Variants in IQANK1 observed in about 807,000 individuals in gnomAD.
IQANK1 encodes IQ motif and ankyrin repeat containing 1.
A neutral mutation model predicts 22.6 loss-of-function variants in IQANK1; 30 were observed. The ratio of observed to expected loss-of-function variants is 1.33; its 90% CI spans 0.99 to 1.80. The LOEUF is 1.80. Ranked by LOEUF, IQANK1 falls within the 40% of genes most tolerant of loss-of-function variation. The pLI is 0.00. For synonymous variants in IQANK1, 122 were observed against 99.6 expected, an observed-to-expected ratio of 1.23 and a Z score of -1.34; for missense variants, 275 against 235.2, an observed-to-expected ratio of 1.17 and a Z score of -1.11.
chr8:143,769,102 G>T (rs1450372939), intron 3 of IQANK1, among the ~76,000 whole-genome samples: 1 of 152,072 alleles, frequency 6.6e-6, no homozygotes, highest in African/African-American at 2.4e-5. Context: ...TCGCTCTGTT[G>T]TCCAGGCTGG....
chr8:143,742,978 G>A (rs1235151614), intron 3 of IQANK1: 8 of 455,928 alleles, frequency 1.8e-5, no homozygotes, highest in South Asian at 3.1e-5. Flanking sequence ...CCCCTTCACC[G>A]GGTGCTTTAT....
At chr8:143,789,693 C>T (rs781906604) in intron 10 of IQANK1, 68 bp from the exon 11 acceptor site, 65 of 1,218,402 alleles carry the variant, frequency 5.3e-5, no homozygotes, top group Non-Finnish European at 6.5e-5. Context: ...GGAGGAAGCT[C>T]GGGCAGCTGC....
Position 143,788,971 on chromosome 8 carries a change from G to C in IQANK1, c.846G>C (p.Thr282=), listed in dbSNP as rs1026511816. The C allele has an allele frequency of 2.5e-6, 1 of 399,340 alleles. No homozygotes were observed. The highest frequency in any genetic ancestry group is 2.1e-5 in the African/African-American group (1 of 48,630). 24.7% of individuals were successfully genotyped at this position (399,340 alleles called of 1,614,324 possible). Residue 282 remains threonine (T), a synonymous_variant, in exon 8 of 14, where the codon ACG becomes ACC. Coordinates refer to ENST00000527139, the MANE Select transcript of IQANK1 (RefSeq NM_001381874.1). The stretch of plus-strand genomic sequence containing the variant: ...TGCGCTCGTGGGACCTGAGCCTCAC[G>C]GAGGCCATGCTCCAGAACATGGAGG... ...SVLRSWDLSL[T]EAMLQNMEAE...
intron 3 of IQANK1, among the ~76,000 whole-genome samples, chr8:143,749,394 A>T (rs1336960771): frequency 1.5e-5 from 2 of 131,812 alleles, no homozygotes; most frequent in African/African-American, 6.0e-5. Context: ...TGAATATATA[A>T]TTATATATCA....
At position 143,790,000 on chromosome 8, in the gene IQANK1, C is replaced by G. The variant is rs1212797398; in HGVS notation, c.1225C>G (p.Gln409Glu). 11 of 1,232,080 alleles carry G rather than the reference C, an allele frequency of 8.9e-6. No homozygotes were observed. In the Admixed American group the frequency reaches 4.2e-4, roughly 47 times the overall value. The allele number at this position is 1,232,080 out of a possible 1,614,324, so 76.3% of individuals were successfully genotyped here. The change falls in exon 12 of 14, where the codon CAG becomes GAG. Residue 409 changes from glutamine to glutamate, a missense_variant. Coordinates refer to ENST00000527139, the MANE Select transcript of IQANK1 (RefSeq NM_001381874.1). ...GEEEAPGLKC[Q>E]VTELHDVLMK... ...GGAAGAGGCGCCTGGGCTGAAGTGCCAGGTCACCGAGCTGCACGATGTGCT... is the reference window on the plus strand; with the variant it reads ...GGAAGAGGCGCCTGGGCTGAAGTGCGAGGTCACCGAGCTGCACGATGTGCT...
chr8:143,746,451 C>G (rs1295423523), intron 3 of IQANK1: 2 of 152,178 alleles, frequency 1.3e-5, no homozygotes, highest in African/African-American at 4.8e-5. Flanking sequence ...GGTGTAATCC[C>G]AGCTCACTGC....
intron 3 of IQANK1, among the ~76,000 whole-genome samples, chr8:143,770,399 C>T (rs572481038): frequency 1.4e-4 from 21 of 152,296 alleles, no homozygotes; most frequent in African/African-American, 4.8e-4. Context: ...ACTCGGGGTC[C>T]CGCCCTCCTG....
chr8:143,773,997 A>G (rs1444175479), intron 7 of IQANK1, among the ~76,000 whole-genome samples: 3 of 152,178 alleles, frequency 2.0e-5, no homozygotes, highest in African/African-American at 4.8e-5. Flanking sequence ...AGCATTGGCC[A>G]TCCACAGGCA....
At chr8:143,752,584 A>G (rs1819215306) in intron 3 of IQANK1, among the ~76,000 whole-genome samples, 1 of 152,200 alleles carries the variant, frequency 6.6e-6, no homozygotes, top group Non-Finnish European at 1.5e-5. Context: ...TTTGGTCATC[A>G]ATGAACTGCA....
chr8:143,771,179 G>C lies in IQANK1; in HGVS notation c.176-309G>C, dbSNP rs920971710. ...AGGGAAGGGTGTCCCGCGGGGGACA[G>C]CACCCCTTCCTCACCGTTCCTCGGG... is the stretch of plus-strand genomic sequence containing the variant. On this transcript the variant is annotated intron_variant, in intron 3 of 13. Transcript: ENST00000527139. This position sits in a 1 kb window ranked among gnomAD's most constrained non-coding sequence, Gnocchi z 6.0. Among the ~76,000 whole-genome samples the C allele has an allele frequency of 6.6e-6, 1 of 152,210 alleles. No homozygotes were observed. Among genetic ancestry groups the C allele is most frequent in the Non-Finnish European group, 1.5e-5 (1 of 68,022 alleles).
intron 3 of IQANK1, among the ~76,000 whole-genome samples, chr8:143,763,574 A>G (rs1392453729): frequency 6.6e-6 from 1 of 152,128 alleles, no homozygotes; most frequent in East Asian, 1.9e-4. Context: ...TGAGCTCACA[A>G]GCTCGCACGA....
intron 3 of IQANK1, chr8:143,742,773 G>C (rs1818949805): frequency 2.2e-6 from 1 of 455,966 alleles, no homozygotes; most frequent in African/African-American, 2.0e-5. Context: ...AGACAGTGTG[G>C]CCCAAGCAGC....
Position 143,774,191 on chromosome 8 carries a change from A to C in IQANK1, c.789+1709A>C, listed in dbSNP as rs1480105883. Among the ~76,000 whole-genome samples, 2 of 152,054 alleles carry C rather than the reference A, an allele frequency of 1.3e-5. No individual in the cohort carries two copies. The highest frequency in any genetic ancestry group is 2.4e-5 in the African/African-American group (1 of 41,428). ...AAAGCACAATCCAAAAAAAAAAAAA[A>C]ACCACATTGATAAACAGAACTTCAT... On this transcript the variant is annotated intron_variant, in intron 7 of 13. Coordinates refer to ENST00000527139, the MANE Select transcript of IQANK1 (RefSeq NM_001381874.1). This position sits in a 1 kb window ranked among gnomAD's most constrained non-coding sequence, Gnocchi z 4.2.
intron 3 of IQANK1, among the ~76,000 whole-genome samples, chr8:143,767,762 G>A (rs191350313): frequency 6.7e-4 from 102 of 151,844 alleles, no homozygotes; most frequent in African/African-American, 2.4e-3. Context: ...GTGTATACCT[G>A]TGGTCTTGGC....
chr8:143,780,239 A>G (rs1218885177), intron 7 of IQANK1, among the ~76,000 whole-genome samples: 1 of 152,064 alleles, frequency 6.6e-6, no homozygotes, highest in African/African-American at 2.4e-5. Context: ...CTCTCAACAA[A>G]CCTGATTGTA....
intron 3 of IQANK1, among the ~76,000 whole-genome samples, chr8:143,763,637 G>C (rs1367553404): frequency 2.0e-5 from 3 of 152,178 alleles, no homozygotes; most frequent in African/African-American, 7.2e-5. Context: ...ACTTGCCATG[G>C]GGCACACCTG....
intron 3 of IQANK1, among the ~76,000 whole-genome samples, chr8:143,762,876 C>T (rs1194556285): frequency 6.6e-6 from 1 of 152,106 alleles, no homozygotes; most frequent in Non-Finnish European, 1.5e-5. Flanking sequence ...ACGCAATCCC[C>T]TAGTGATGCT....
intron 7 of IQANK1, among the ~76,000 whole-genome samples, chr8:143,787,541 CT>C (rs1554631509): frequency 1.3e-5 from 2 of 152,220 alleles, no homozygotes; most frequent in Non-Finnish European, 2.9e-5. Flanking sequence ...CTCTCGTCTG[CT>C]GTGTCTCCCT....
chr8:143,781,740 G>A (rs553544809), intron 7 of IQANK1, among the ~76,000 whole-genome samples: 14 of 152,236 alleles, frequency 9.2e-5, no homozygotes, highest in East Asian at 3.9e-4. Context: ...GTTTGAAGCC[G>A]GGTAACACAA....
Sources: gnomAD v4.1 joint callset for allele counts (sites outside exome capture counted in the v4.1 genomes callset) on GRCh38, gnomAD v4.1.1 for gene constraint, Gnocchi (gnomAD v3.1) non-coding constraint, MANE v1.5 for transcripts, NCBI Gene and HGNC (gene_info 2026-07-23, HGNC 2026-07-21) for gene names.